Variants in PUS10 observed in about 807,000 individuals in gnomAD.
PUS10 encodes the protein pseudouridine synthase 10, also known as tRNA pseudouridine synthase Pus10.
PUS10 carries 59 observed loss-of-function variants against 75.0 expected under a neutral mutation model. The ratio of observed to expected loss-of-function variants is 0.79; its 90% CI spans 0.64 to 0.98. The LOEUF (loss-of-function observed/expected upper bound fraction) is 0.98. Among genes scored for constraint, PUS10 ranks in the 50% least tolerant of loss-of-function variants. The pLI is 0.00. For synonymous variants in PUS10, 219 were observed against 211.6 expected (o/e 1.03, Z -0.30); for missense variants, 650 against 614.4 (o/e 1.06, Z -0.61).
At chr2:60,959,356 T>C (rs1675871849) in intron 11 of PUS10, among the ~76,000 whole-genome samples, 1 of 152,234 alleles carries the variant, frequency 6.6e-6, no homozygotes, top group Non-Finnish European at 1.5e-5. Flanking sequence ...TTCAGTTGTT[T>C]TGAATTTCCC....
intron 3 of PUS10, among the ~76,000 whole-genome samples, chr2:61,007,864 C>T (rs901614962): frequency 2.7e-5 from 4 of 148,710 alleles, no homozygotes; most frequent in South Asian, 2.1e-4. Flanking sequence ...GGGCGGATCA[C>T]GAGGTCAAGA....
At chr2:60,954,263 G>C (rs1190511912) in intron 12 of PUS10, 105 bp from the exon 13 acceptor site, 1 of 979,682 alleles carries the variant, frequency 1.0e-6, no homozygotes, top group East Asian at 2.5e-5. Context: ...GAGCTCTAGA[G>C]GACTGAAAGT....
At chr2:61,001,859 C>T (rs1007398403) in intron 4 of PUS10, among the ~76,000 whole-genome samples, 3 of 152,106 alleles carry the variant, frequency 2.0e-5, no homozygotes, top group African/African-American at 7.2e-5. Context: ...ATGTGAATTG[C>T]ACTTTCTCTG....
At chr2:61,010,535 C>T in intron 2 of PUS10, 1 of 290,260 alleles carries the variant, frequency 3.4e-6, no homozygotes, top group Non-Finnish European at 6.7e-6. Context: ...TCATCTTGGC[C>T]AGGCTGGTCT....
chr2:60,994,314 C>T (rs1231749394), intron 4 of PUS10, among the ~76,000 whole-genome samples: 1 of 151,698 alleles, frequency 6.6e-6, no homozygotes. Context: ...ATTGGGACTT[C>T]CACCTCCAAT....
chr2:60,973,762 C>G (rs1390591495), intron 4 of PUS10, among the ~76,000 whole-genome samples: 1 of 152,242 alleles, frequency 6.6e-6, no homozygotes, highest in Non-Finnish European at 1.5e-5. Context: ...GCTGCCAGTC[C>G]CCGGGACAGG....
In PUS10 at chr2:61,008,990, A is replaced by C; in HGVS notation, c.152T>G (p.Phe51Cys). 1 of 1,612,408 alleles carries C rather than the reference A, an allele frequency of 6.2e-7. No individual in the cohort carries two copies. Among genetic ancestry groups the C allele is most frequent in the Non-Finnish European group, 8.5e-7 (1 of 1,179,524 alleles). Residue 51 changes from phenylalanine (F) to cysteine (C), a missense_variant, in exon 3 of 18, where the codon TTT becomes TGT. Transcript: ENST00000316752. ...TAATTCATCTTTTTCAGTTTCCAGA[A>C]ATTTCTGTAGTTCATTGAGCAACTC... ...YKELLNELQK[F>C]LETEKDELIL... is the part of the protein sequence containing the mutation.
chr2:61,003,691 C>T (rs558337733), intron 4 of PUS10, among the ~76,000 whole-genome samples: 166 of 151,424 alleles, frequency 1.1e-3, no homozygotes, highest in Non-Finnish European at 1.9e-3. Context: ...ACTACAGATA[C>T]GCATCACCAC....
rs1405144717 is a variant in PUS10, at chr2:61,017,804, C to T, written c.-16+204G>A. The T allele has an allele frequency of 1.3e-6, 2 of 1,550,586 alleles. No individual in the cohort carries two copies. The highest frequency in any genetic ancestry group is 1.7e-6 in the Non-Finnish European group (2 of 1,146,892). ...CTCCCCCCAAACCCTGGGAGACCCG[C>T]CGAATTCCGGGAGCCGGACCGGGAC... On this transcript the variant is annotated intron_variant, in intron 1 of 17. Transcript: ENST00000316752.
chr2:60,957,926 GCA>G (rs1675782567), intron 11 of PUS10, among the ~76,000 whole-genome samples: 1 of 152,266 alleles, frequency 6.6e-6, no homozygotes, highest in Non-Finnish European at 1.5e-5. Flanking sequence ...GCCACGTGAG[GCA>G]CATTAGGTGA....
intron 4 of PUS10, among the ~76,000 whole-genome samples, chr2:61,001,818 T>A (rs1678876103): frequency 6.6e-6 from 1 of 152,228 alleles, no homozygotes; most frequent in Non-Finnish European, 1.5e-5. Context: ...CCCTTTTTTT[T>A]ATTCATTGAG....
chr2:60,960,554 G>A (rs1441159043), intron 10 of PUS10, 37 bp from the exon 11 acceptor site: 2 of 1,534,606 alleles, frequency 1.3e-6, no homozygotes, highest in South Asian at 2.6e-5. Flanking sequence ...GGATGGAATG[G>A]AGTAATTAAC....
chr2:60,944,900 T>C (rs1215700548), intron 17 of PUS10, 109 bp downstream of exon 17: 1 of 745,322 alleles, frequency 1.3e-6, no homozygotes, highest in Non-Finnish European at 2.3e-6. Context: ...ATTTTCACCA[T>C]TCTCAAATAC....
At chr2:61,003,524 C>T (rs538416125) in intron 4 of PUS10, among the ~76,000 whole-genome samples, 20 of 150,694 alleles carry the variant, frequency 1.3e-4, no homozygotes, top group African/African-American at 3.9e-4. Flanking sequence ...AATATAGATG[C>T]GTTAATGCAA....
chr2:60,963,614 G>C (rs1180843424), intron 8 of PUS10, among the ~76,000 whole-genome samples: 5 of 152,120 alleles, frequency 3.3e-5, no homozygotes, highest in Admixed American at 2.0e-4. Flanking sequence ...TTACAGTGTA[G>C]GCAGCTCAAC....
chr2:60,948,995 C>G (rs907941089), intron 15 of PUS10, among the ~76,000 whole-genome samples: 1 of 152,070 alleles, frequency 6.6e-6, no homozygotes, highest in Non-Finnish European at 1.5e-5. Flanking sequence ...TGCCGGAAGG[C>G]CTGCTAAGAA....
rs763867248 is a variant in PUS10 at position 61,008,932 on chromosome 2, T to A, written c.210A>T (p.Lys70Asn). 1 of 1,613,872 alleles carries A rather than the reference T, an allele frequency of 6.2e-7. No homozygotes were observed. Among genetic ancestry groups the A allele is most frequent in the East Asian group, 2.2e-5 (1 of 44,832 alleles). Residue 70 changes from lysine (K) to asparagine (N), a missense_variant, in exon 3 of 18, where the codon AAA (lysine) becomes AAT (asparagine). Coordinates refer to ENST00000316752, the MANE Select transcript of PUS10 (RefSeq NM_144709.4). ...TATCTTCCAGTTCTTGCAGTCGAAT[T>A]TTCTTGGGAGGTGGGTTCATAACTT... ...ILEVMNPPPK[K>N]IRLQELEDSI... is the part of the protein sequence containing the mutation.
chr2:60,995,674 C>T (rs977823111), intron 4 of PUS10, among the ~76,000 whole-genome samples: 27 of 152,032 alleles, frequency 1.8e-4, no homozygotes, highest in Non-Finnish European at 1.2e-4. Flanking sequence ...TGTGCTAATA[C>T]GTTCAATTTC....
intron 2 of PUS10, 73 bp from the exon 3 acceptor site, chr2:61,009,088 A>G: frequency 7.4e-7 from 1 of 1,357,940 alleles, no homozygotes; most frequent in Non-Finnish European, 1.0e-6. Flanking sequence ...AAGATGAAAC[A>G]AGAAAACATG....
Sources: allele counts gnomAD v4.1 joint callset (sites outside exome capture counted in the v4.1 genomes callset), GRCh38; gene constraint gnomAD v4.1.1; transcripts MANE v1.5; gene names NCBI Gene and HGNC (gene_info 2026-07-23, HGNC 2026-07-21).